Variants in ATP10B observed in about 807,000 individuals in gnomAD.
ATP10B encodes ATPase phospholipid transporting 10B (putative).
Under a neutral mutation model 141.2 loss-of-function variants are expected in ATP10B, and 122 were observed. The observed-to-expected ratio is 0.86, with a 90% CI of 0.75 to 1.00. The LOEUF is 1.00. ATP10B is among the 50% of genes least tolerant of loss of function. The pLI is 0.00. For missense variants in ATP10B, 1,876 were observed against 1,825.3 expected (o/e 1.03, Z -0.51); for synonymous variants, 685 against 692.0 (o/e 0.99, Z 0.16).
At chr5:160,715,720 A>ATTTATTTG (rs1156856199) in intron 3 of ATP10B, among the ~76,000 whole-genome samples, 13 of 151,036 alleles carry the variant, frequency 8.6e-5, no homozygotes, top group Non-Finnish European at 1.5e-4. Context: ...TTATTTATTT[A>ATTTATTTG]TTTATTTTTG....
chr5:160,679,946 A>C (rs1361664145), intron 6 of ATP10B, among the ~76,000 whole-genome samples: 1 of 152,226 alleles, frequency 6.6e-6, no homozygotes, highest in Non-Finnish European at 1.5e-5. Flanking sequence ...AAGCTAAACT[A>C]ATACAATTCT....
At chr5:160,830,717 A>G (rs1775009976) in intron 1 of ATP10B, among the ~76,000 whole-genome samples, 1 of 151,854 alleles carries the variant, frequency 6.6e-6, no homozygotes. Context: ...GTAGATTTTT[A>G]TTGCATATTT....
chr5:160,697,455 A>G (rs1250409507), intron 3 of ATP10B, among the ~76,000 whole-genome samples: 1 of 152,196 alleles, frequency 6.6e-6, no homozygotes, highest in African/African-American at 2.4e-5. Context: ...TATGAGCACA[A>G]AAAAGTGCTC....
intron 7 of ATP10B, among the ~76,000 whole-genome samples, chr5:160,653,119 G>A (rs373115008): frequency 8.2e-6 from 1 of 122,590 alleles, no homozygotes; most frequent in Non-Finnish European, 1.6e-5. Context: ...ACATATACAT[G>A]TATATATTAT....
intron 6 of ATP10B, among the ~76,000 whole-genome samples, chr5:160,682,524 T>G (rs1013426372): frequency 2.6e-5 from 4 of 151,904 alleles, no homozygotes; most frequent in Non-Finnish European, 5.9e-5. Flanking sequence ...CACAGATGAG[T>G]CTGTGGTCTA....
intron 1 of ATP10B, among the ~76,000 whole-genome samples, chr5:160,838,268 A>G (rs551859052): frequency 6.6e-6 from 1 of 152,214 alleles, no homozygotes; most frequent in Non-Finnish European, 1.5e-5. Flanking sequence ...ATTCCTGTTA[A>G]AGTAGGTCAG....
intron 2 of ATP10B, among the ~76,000 whole-genome samples, chr5:160,731,063 C>T (rs922171488): frequency 2.0e-5 from 3 of 152,064 alleles, no homozygotes; most frequent in Non-Finnish European, 2.9e-5. Flanking sequence ...AACCATTTAA[C>T]CAAGAAAATA....
chr5:160,808,301 T>A (rs2127942985), intron 1 of ATP10B, among the ~76,000 whole-genome samples: 1 of 152,168 alleles, frequency 6.6e-6, no homozygotes, highest in Middle Eastern at 3.4e-3. Flanking sequence ...ATTTGCGATT[T>A]TATTATTCTG....
intron 24 of ATP10B, among the ~76,000 whole-genome samples, chr5:160,573,166 T>C (rs1754984562): frequency 1.3e-5 from 2 of 152,214 alleles, no homozygotes; most frequent in African/African-American, 4.8e-5. Context: ...CCCCCATGAA[T>C]GTGATTAGTG....
chr5:160,916,702 A>G, the ATP10B span, among the ~76,000 whole-genome samples: 1 of 152,240 alleles, frequency 6.6e-6, no homozygotes, highest in South Asian at 2.1e-4. Context: ...CCAGATTTAA[A>G]CCCAGGCAGT....
At chr5:160,701,796 A>C (rs1381671505) in intron 3 of ATP10B, among the ~76,000 whole-genome samples, 1 of 146,400 alleles carries the variant, frequency 6.8e-6, no homozygotes, top group Non-Finnish European at 1.5e-5. Context: ...CTGGGAAGTC[A>C]CCCCTCTACC....
At position 160,580,413 on chromosome 5, in the gene ATP10B, G is replaced by T. The variant is rs1474861612; in HGVS notation, c.3750+9179C>A. 2.6e-5 allele frequency among the ~76,000 whole-genome samples: 4 copies of T among 152,174 alleles called. No individual in the cohort carries two copies. In the South Asian group the frequency reaches 8.3e-4, roughly 32 times the overall value. On this transcript the variant is annotated intron_variant, in intron 24 of 25. Transcript: ENST00000327245. ...CGAAGGCCTTTTCTGCATCTATTGA[G>T]GTAATTGTGTGGTGTTTGTCATTGG...
chr5:160,919,223 C>CAAAAAAAAAAAAAAAAAAAAA, the ATP10B span, among the ~76,000 whole-genome samples: 2 of 26,960 alleles, frequency 7.4e-5, no homozygotes, highest in Admixed American at 4.7e-4. Context: ...AACTCCGTCT[C>CAAAAAAAAAAAAAAAAAAAAA]AAAAAAAAAA....
rs1301444922 is a variant in ATP10B, at chr5:160,617,900, T to C, written c.2490A>G (p.Ala830=). ...ARTQKHLDLY[A]RDGLRTLCIA... is the part of the protein sequence containing the mutation. ...TGCATAGTGTGCGCAGGCCATCTCT[T>C]GCATACAAGTCTAGATGCTTTTGGG... The change falls in exon 16 of 26, where the codon GCA becomes GCG. Residue 830 remains alanine, a synonymous_variant. Coordinates refer to ENST00000327245, the MANE Select transcript of ATP10B (RefSeq NM_025153.3). 6.2e-7 allele frequency: 1 copy of C among 1,614,198 alleles called. No individual in the cohort carries two copies. The highest frequency in any genetic ancestry group is 2.2e-5 in the East Asian group (1 of 44,882).
chr5:160,783,933 G>A (rs1482528468), intron 2 of ATP10B, among the ~76,000 whole-genome samples: 1 of 152,070 alleles, frequency 6.6e-6, no homozygotes, highest in Non-Finnish European at 1.5e-5. Flanking sequence ...CATTCTTGCA[G>A]AAGGACTTGC....
At chr5:160,813,870 C>A (rs1166840114) in intron 1 of ATP10B, among the ~76,000 whole-genome samples, 4 of 152,198 alleles carry the variant, frequency 2.6e-5, no homozygotes, top group African/African-American at 9.6e-5. Context: ...CCCAGGCAAA[C>A]AGGGTCTGGA....
At chr5:160,891,013 G>C in the ATP10B span, among the ~76,000 whole-genome samples, 2 of 152,136 alleles carry the variant, frequency 1.3e-5, no homozygotes, top group African/African-American at 2.4e-5. Context: ...GTGTGTGTGT[G>C]TGTGTGTATG....
At chr5:160,590,756 CA>C (rs1392455360) in intron 23 of ATP10B, among the ~76,000 whole-genome samples, 2 of 152,168 alleles carry the variant, frequency 1.3e-5, no homozygotes, top group Non-Finnish European at 2.9e-5. Flanking sequence ...GAGACTAAGG[CA>C]AACTGGAGAA....
At chr5:160,854,044 C>T (rs554135212), upstream of ATP10B, among the ~76,000 whole-genome samples, 25 of 152,062 alleles carry the variant, frequency 1.6e-4, no homozygotes, top group Middle Eastern at 3.4e-3. Context: ...TTCTTGCTGC[C>T]CAAACTAGTC....
Sources: gnomAD v4.1 joint callset for allele counts (sites outside exome capture counted in the v4.1 genomes callset) on GRCh38, gnomAD v4.1.1 for gene constraint, MANE v1.5 for transcripts, NCBI Gene and HGNC (gene_info 2026-07-23, HGNC 2026-07-21) for gene names.